SLC35F1: variants seen among roughly 807,000 people sequenced by gnomAD.
SLC35F1 encodes the protein solute carrier family 35 member F1.
A neutral mutation model predicts 48.7 loss-of-function variants in SLC35F1; 14 were observed. The observed-to-expected ratio is 0.29, with a 90% CI of 0.19 to 0.45. The LOEUF (loss-of-function observed/expected upper bound fraction) is 0.45, where lower values mean the gene tolerates loss of function less well. SLC35F1 is among the 20% of genes least tolerant of loss of function. SLC35F1 has a pLI of 1.00. For synonymous variants in SLC35F1, 190 were observed against 202.2 expected, an observed-to-expected ratio of 0.94 and a Z score of 0.51; for missense variants, 404 against 500.0, an observed-to-expected ratio of 0.81 and a Z score of 1.83.
intron 3 of SLC35F1, among the ~76,000 whole-genome samples, chr6:118,257,193 T>C (rs1241367044): frequency 6.6e-6 from 1 of 152,110 alleles, no homozygotes; most frequent in African/African-American, 2.4e-5. Context: ...TCTCTCTCCA[T>C]CTTTCCATTC....
chr6:118,168,829 A>T (rs796633564), intron 2 of SLC35F1, among the ~76,000 whole-genome samples: 14 of 152,324 alleles, frequency 9.2e-5, no homozygotes, highest in African/African-American at 3.1e-4. Flanking sequence ...AATATTAGAA[A>T]ACCACTATAA....
chr6:118,196,708 G>C (rs1774805027), intron 2 of SLC35F1, among the ~76,000 whole-genome samples: 1 of 152,040 alleles, frequency 6.6e-6, no homozygotes, highest in South Asian at 2.1e-4. Flanking sequence ...GGGCCACAGA[G>C]TGAGACTCTG....
intron 1 of SLC35F1, among the ~76,000 whole-genome samples, chr6:118,003,100 A>T (rs1308236275): frequency 1.3e-5 from 2 of 152,224 alleles, no homozygotes; most frequent in East Asian, 1.9e-4. Context: ...ATGAACTGAC[A>T]ATAAGTGTGT....
rs772014633 is a variant in SLC35F1, at chr6:117,907,736, C to T, written c.10C>T (p.Pro4Ser). 6.5e-7 allele frequency: 1 copy of T among 1,541,796 alleles called. No individual in the cohort carries two copies. Among genetic ancestry groups the T allele is most frequent in the South Asian group, 1.2e-5 (1 of 86,790 alleles). ...CTCAGCCTCTGCCGCGATGATCCCCCCTGAGCAGCCGCAGCAGCAGCTGCA... is the reference window on the plus strand; with the variant it reads ...CTCAGCCTCTGCCGCGATGATCCCCTCTGAGCAGCCGCAGCAGCAGCTGCA... Reference protein sequence around the residue: MIPPEQPQQQLQPP... With the variant: MIPSEQPQQQLQPP... Residue 4 changes from proline (P) to serine (S), a missense_variant, in exon 1 of 8, where the codon CCT becomes TCT. By Grantham distance (74) the Pro-to-Ser change is moderately conservative. Coordinates refer to ENST00000360388, the MANE Select transcript of SLC35F1 (RefSeq NM_001029858.4).
chr6:118,206,444 C>T (rs955909874), intron 2 of SLC35F1, among the ~76,000 whole-genome samples: 2 of 152,194 alleles, frequency 1.3e-5, no homozygotes, highest in African/African-American at 2.4e-5. Context: ...ATAATCTCAG[C>T]ACTGTGGGTT....
At chr6:118,288,162 T>G (rs1776074042) in intron 7 of SLC35F1, among the ~76,000 whole-genome samples, 1 of 152,222 alleles carries the variant, frequency 6.6e-6, no homozygotes, top group Non-Finnish European at 1.5e-5. Context: ...AAACTATGAA[T>G]ATACTTGTAG....
intron 3 of SLC35F1, among the ~76,000 whole-genome samples, chr6:118,249,827 A>G (rs281872): frequency 0.64 from 97,075 of 152,028 alleles, 31,582 homozygotes; most frequent in African/African-American, 0.73. Flanking sequence ...AAGACAGACC[A>G]TGACTGGGCA....
intron 7 of SLC35F1, among the ~76,000 whole-genome samples, chr6:118,292,088 A>C (rs534708610): frequency 2.0e-5 from 3 of 152,228 alleles, no homozygotes; most frequent in African/African-American, 7.2e-5. Flanking sequence ...ACTGCACTCC[A>C]GCCTGGGAGA....
chr6:117,992,239 T>C (rs760903500), intron 1 of SLC35F1, among the ~76,000 whole-genome samples: 3 of 152,190 alleles, frequency 2.0e-5, no homozygotes, highest in Admixed American at 6.5e-5. Context: ...CAAAGTATTA[T>C]TTACTTTCAT....
Position 118,179,052 on chromosome 6 carries a change from C to G in SLC35F1, c.349+24432C>G, listed in dbSNP as rs150168537. On this transcript the variant is annotated intron_variant, in intron 2 of 7. Transcript: ENST00000360388. ...CCCTGAGTTAAATCTATGTATACCCCTTATACACTGAGAACTGAGCAGAAG... is the reference window on the plus strand; with the variant it reads ...CCCTGAGTTAAATCTATGTATACCCGTTATACACTGAGAACTGAGCAGAAG... 1.4e-4 allele frequency among the ~76,000 whole-genome samples: 21 copies of G among 152,130 alleles called. No homozygotes were observed. In the East Asian group the frequency reaches 3.5e-3, roughly 25 times the overall value.
chr6:117,950,046 C>G (rs1776343338), intron 1 of SLC35F1, among the ~76,000 whole-genome samples: 1 of 152,138 alleles, frequency 6.6e-6, no homozygotes, highest in African/African-American at 2.4e-5. Context: ...GTTCACAGCC[C>G]TTCATTTGGG....
intron 4 of SLC35F1, among the ~76,000 whole-genome samples, chr6:118,270,507 G>A (rs771309099): frequency 1.3e-5 from 2 of 152,112 alleles, no homozygotes; most frequent in African/African-American, 4.8e-5. Flanking sequence ...GGAAGGATGC[G>A]AACAGCACTT....
At chr6:118,170,384 C>T (rs999509069) in intron 2 of SLC35F1, among the ~76,000 whole-genome samples, 1 of 152,058 alleles carries the variant, frequency 6.6e-6, no homozygotes, top group African/African-American at 2.4e-5. Flanking sequence ...ACAAAGAAGC[C>T]GTGGAGAGCC....
chr6:117,920,614 C>T (rs951008982), intron 1 of SLC35F1, among the ~76,000 whole-genome samples: 2 of 152,134 alleles, frequency 1.3e-5, no homozygotes, highest in Non-Finnish European at 2.9e-5. Context: ...AGTTAGAGCA[C>T]CCATTGAGTG....
At chr6:118,228,284 T>G (rs1041234249) in intron 2 of SLC35F1, among the ~76,000 whole-genome samples, 14 of 152,260 alleles carry the variant, frequency 9.2e-5, no homozygotes, top group African/African-American at 3.4e-4. Context: ...ATTAGGACAT[T>G]AATTTTGTTC....
intron 1 of SLC35F1, among the ~76,000 whole-genome samples, chr6:118,052,505 TA>T (rs1210575335): frequency 6.6e-6 from 1 of 152,180 alleles, no homozygotes; most frequent in Non-Finnish European, 1.5e-5. Context: ...AAAGAAGTCT[TA>T]AAAATGTAAT....
At chr6:117,980,540 T>C (rs921958690) in intron 1 of SLC35F1, among the ~76,000 whole-genome samples, 7 of 152,150 alleles carry the variant, frequency 4.6e-5, no homozygotes, top group African/African-American at 1.7e-4. Context: ...AGAAAGGAGT[T>C]TCTGTTTTCA....
chr6:118,265,155 C>G (rs1032813045), intron 3 of SLC35F1, among the ~76,000 whole-genome samples: 4 of 152,182 alleles, frequency 2.6e-5, no homozygotes, highest in Non-Finnish European at 4.4e-5. Flanking sequence ...GTCCAGGTCA[C>G]AAAAAGCTTT....
chr6:118,107,493 C>T (rs1375526390), intron 1 of SLC35F1, among the ~76,000 whole-genome samples: 1 of 152,142 alleles, frequency 6.6e-6, no homozygotes, highest in Non-Finnish European at 1.5e-5. Flanking sequence ...TATAACAACT[C>T]ATATATTAGA....
Sources: allele counts gnomAD v4.1 joint callset (sites outside exome capture counted in the v4.1 genomes callset), GRCh38; gene constraint gnomAD v4.1.1; transcripts MANE v1.5; gene names NCBI Gene and HGNC (gene_info 2026-07-23, HGNC 2026-07-21).